The following CATSPER1 variants were observed in gnomAD, a reference collection of about 807,000 sequenced individuals.
CATSPER1 encodes the protein cation channel sperm associated 1.
CATSPER1 carries 57 observed loss-of-function variants against 72.7 expected under a neutral mutation model. The observed-to-expected ratio is 0.78, with a 90% CI of 0.63 to 0.98. The LOEUF is 0.98. Ranked by LOEUF, CATSPER1 falls within the 50% of genes least tolerant of loss-of-function variation. The pLI is 0.00. For missense variants in CATSPER1, 910 were observed against 1,033.9 expected, an observed-to-expected ratio of 0.88 and a Z score of 1.64; for synonymous variants, 363 against 403.0, an observed-to-expected ratio of 0.90 and a Z score of 1.19.
rs1375939221 is a variant in CATSPER1 at position 66,020,795 on chromosome 11, C to T, written c.1927+16G>A. On this transcript the variant is annotated intron_variant, in intron 6 of 11. Coordinates refer to ENST00000312106, the MANE Select transcript of CATSPER1 (RefSeq NM_053054.4). This position sits in a 1 kb window ranked among gnomAD's most constrained non-coding sequence, Gnocchi z 4.5. ...GCCAATCCCCGGCCCTCCCTGCAGC[C>T]TGGGGCCTGCCCTACCCTGGGCACG... The T allele has an allele frequency of 1.5e-5, 25 of 1,613,580 alleles. No homozygotes were observed. The highest frequency in any genetic ancestry group is 2.1e-5 in the Non-Finnish European group (25 of 1,180,016).
At position 66,021,756 on chromosome 11, in the gene CATSPER1, C is replaced by T; in HGVS notation, c.1543+10G>A. The T allele has an allele frequency of 2.5e-6, 4 of 1,613,562 alleles. No individual in the cohort carries two copies. The South Asian group carries it at 4.4e-5, about 18-fold the overall frequency. ...CTAAACACACGCAGCCTGGCCCCGG[C>T]CGCACCCACCCAAATTGTTCCAGAA... On this transcript the variant is annotated intron_variant, in intron 3 of 11. Transcript: ENST00000312106.
Position 66,017,096 on chromosome 11 carries a change from T to C in CATSPER1, c.2280A>G (p.Ala760=). Residue 760 remains alanine, a synonymous_variant, in exon 11 of 12, where the codon GCA becomes GCG. Transcript: ENST00000312106. ...EQEQQKFRSQ[A]AVIDEIVDTT... Reference sequence around the variant, plus strand: ...TGTCCACAATCTCATCGATGACGGCTGCCTGGGAGCGGAACTTCTGCTGCT... The same window carrying C: ...TGTCCACAATCTCATCGATGACGGCCGCCTGGGAGCGGAACTTCTGCTGCT... The C allele has an allele frequency of 6.4e-7, 1 of 1,570,522 alleles. No homozygotes were observed. The highest frequency in any genetic ancestry group is 8.7e-7 in the Non-Finnish European group (1 of 1,152,652).
chr11:66,019,910 C>T (rs1421173836), intron 9 of CATSPER1, among the ~76,000 whole-genome samples: 3 of 95,184 alleles, frequency 3.2e-5, no homozygotes, highest in African/African-American at 4.4e-5. Flanking sequence ...GAGCACAAGA[C>T]TCCATCTCAA....
chr11:66,020,418 A>T lies in CATSPER1; in HGVS notation c.1992-29T>A. 1.2e-6 allele frequency: 2 copies of T among 1,613,672 alleles called. No homozygotes were observed. Among genetic ancestry groups the T allele is most frequent in the South Asian group, 2.2e-5 (2 of 91,082 alleles). The stretch of plus-strand genomic sequence containing the variant: ...GGGAGAGGGACAGGGGTGTGCCCTC[A>T]GCGAGGAGGCCAGAGGAGAGGGGCA... On this transcript the variant is annotated intron_variant, in intron 7 of 11. Transcript: ENST00000312106. This position sits in a 1 kb window ranked among gnomAD's most constrained non-coding sequence, Gnocchi z 4.5.
chr11:66,026,210 G>A lies in CATSPER1; in HGVS notation c.170C>T (p.Ser57Phe). Residue 57 changes from serine to phenylalanine, a missense_variant, in exon 1 of 12, where the codon TCT becomes TTT. Physicochemically the swap from Ser to Phe is radical, Grantham distance 155. Coordinates refer to ENST00000312106, the MANE Select transcript of CATSPER1 (RefSeq NM_053054.4). ...GTCTTGGAACTCCGGAGGGTGGTGA[G>A]ATTCACCACGTTGGTGGGGCACGCC... ...HHGVPHQRGE[S>F]HHPPEFQDFH... The A allele has an allele frequency of 6.2e-7, 1 of 1,610,602 alleles. No homozygotes were observed. Among genetic ancestry groups the A allele is most frequent in the Non-Finnish European group, 8.5e-7 (1 of 1,176,980 alleles).
Position 66,025,263 on chromosome 11 carries a change from G to C in CATSPER1, c.1117C>G (p.Arg373Gly). Reference protein sequence around the residue: ...MTRSSSTIRSRVTQMSKKVHT... With the variant: ...MTRSSSTIRSGVTQMSKKVHT... The stretch of plus-strand genomic sequence containing the variant: ...ACTTTTTTGGACATCTGGGTGACAC[G>C]TGAGCGGATTGTGCTGGAGGACCGA... Residue 373 changes from arginine (R) to glycine (G), a missense_variant, in exon 1 of 12, where the codon CGT (arginine) becomes GGT (glycine). Physicochemically the swap from Arg to Gly is moderately radical, Grantham distance 125 (BLOSUM62 -2). Transcript: ENST00000312106. The C allele has an allele frequency of 1.2e-6, 2 of 1,614,178 alleles. No homozygotes were observed. Among genetic ancestry groups the C allele is most frequent in the South Asian group, 1.1e-5 (1 of 91,076 alleles).
chr11:66,026,333 G>A lies in CATSPER1; in HGVS notation c.47C>T (p.Thr16Ile), dbSNP rs17853124. Residue 16 changes from threonine to isoleucine, a missense_variant, in exon 1 of 12, where the codon ACC becomes ATC. Transcript: ENST00000312106. ...GCGAAAGAACCTATCTGCGTTATTG[G>A]TGTCTGCCTCATTCTGAGCCTTTTC... ...VPEKAQNEAD[T>I]NNADRFFRSH... is the part of the protein sequence containing the mutation. 1.9e-6 allele frequency: 3 copies of A among 1,614,164 alleles called. No individual in the cohort carries two copies. The highest frequency in any genetic ancestry group is 2.2e-5 in the East Asian group (1 of 44,886).
chr11:66,018,777 C>T, intron 10 of CATSPER1, 50 bp downstream of exon 10: 3 of 1,594,282 alleles, frequency 1.9e-6, no homozygotes, highest in Non-Finnish European at 1.7e-6. Flanking sequence ...AGCCAGGCCC[C>T]CAGGCCTCAC....
Position 66,020,444 on chromosome 11 carries a change from C to G in CATSPER1, c.1992-55G>C, listed in dbSNP as rs886507613. 3 of 1,609,312 alleles carry G rather than the reference C, an allele frequency of 1.9e-6. No homozygotes were observed. Among genetic ancestry groups the G allele is most frequent in the African/African-American group, 2.7e-5 (2 of 74,756 alleles). On this transcript the variant is annotated intron_variant, in intron 7 of 11. Transcript: ENST00000312106. The surrounding 1 kb of genome is among the most constrained non-coding windows in gnomAD (Gnocchi z 4.5). ...GCGAGGAGGCCAGAGGAGAGGGGCA[C>G]CCGGTACTTCTTGTGGGTTCAGCGT...
chr11:66,022,841 G>C lies in CATSPER1; in HGVS notation c.1429+8C>G. 1 of 1,614,088 alleles carries C rather than the reference G, an allele frequency of 6.2e-7. No homozygotes were observed. Among genetic ancestry groups the C allele is most frequent in the Non-Finnish European group, 8.5e-7 (1 of 1,179,956 alleles). On this transcript the variant is annotated splice_region_variant and intron_variant, in intron 2 of 11. Transcript: ENST00000312106. ...TTCTCCATGGGAACAGGACTCCCTG[G>C]CTCTTACCGCCCCGGATCTCGACTT...
In CATSPER1 at chr11:66,025,427, T is replaced by C. The variant is rs756918272; in HGVS notation, c.953A>G (p.Tyr318Cys). 1 of 1,613,214 alleles carries C rather than the reference T, an allele frequency of 6.2e-7. No homozygotes were observed. The highest frequency in any genetic ancestry group is 8.5e-7 in the Non-Finnish European group (1 of 1,179,928). Residue 318 changes from tyrosine to cysteine, a missense_variant, in exon 1 of 12, where the codon TAC becomes TGC. Transcript: ENST00000312106. Reference protein sequence around the residue: ...AYHSSYLHGDYVQSTSQLSIP... With the variant: ...AYHSSYLHGDCVQSTSQLSIP... ...AGAGAGTTGGGAAGTGCTCTGGACGTAGTCGCCATGGAGGTAACTGGAATG... is the reference window on the plus strand; with the variant it reads ...AGAGAGTTGGGAAGTGCTCTGGACGCAGTCGCCATGGAGGTAACTGGAATG...
chr11:66,024,271 GTTTTTTT>G lies in CATSPER1; in HGVS notation c.1216+886_1216+892del, dbSNP rs796751086. On this transcript the variant is annotated intron_variant, in intron 1 of 11. Transcript: ENST00000312106. Reference sequence around the variant, plus strand: ...GTGAGCCATCGCACCCAGCCTATTTGTTTTTTTTTTTTTTTTTTTTTTTTCCTACGGA... The same window carrying G: ...GTGAGCCATCGCACCCAGCCTATTTGTTTTTTTTTTTTTTTTTCCTACGGA... Among the ~76,000 whole-genome samples the G allele has an allele frequency of 2.7e-3, 301 of 110,594 alleles. 1 individual carries two copies. Among genetic ancestry groups the G allele is most frequent in the African/African-American group, 9.5e-3 (261 of 27,380 alleles). The allele number at this position is 110,594 out of a possible 152,430, so 72.6% of individuals were successfully genotyped here. A position where few individuals can be genotyped will look rare whatever the true frequency, so the allele number is the denominator to read the frequency against.
At chr11:66,023,537 G>A (rs1250388844) in intron 1 of CATSPER1, among the ~76,000 whole-genome samples, 1 of 151,942 alleles carries the variant, frequency 6.6e-6, no homozygotes, top group Non-Finnish European at 1.5e-5. Flanking sequence ...TCTCAGTTTT[G>A]TTGTCTTTAA....
Position 66,021,825 on chromosome 11 carries a change from G to C in CATSPER1, c.1484C>G (p.Ala495Gly). ...SIFFCIYVVE[A>G]LLKIIALGLS... ...GCCCAGGGCGATGATCTTGAGCAGG[G>C]CTTCCACCACGTAGATGCAGAAGAA... Residue 495 changes from alanine to glycine, a missense_variant, in exon 3 of 12, where the codon GCC becomes GGC. Transcript: ENST00000312106. The C allele has an allele frequency of 5.6e-6, 9 of 1,614,170 alleles. No individual in the cohort carries two copies. The highest frequency in any genetic ancestry group is 6.8e-6 in the Non-Finnish European group (8 of 1,180,032).
In CATSPER1 at chr11:66,026,438, C is replaced by T; in HGVS notation, c.-59G>A. 13 of 1,602,956 alleles carry T rather than the reference C, an allele frequency of 8.1e-6. No homozygotes were observed. The highest frequency in any genetic ancestry group is 1.1e-5 in the Non-Finnish European group (13 of 1,179,616). Reference sequence around the variant, plus strand: ...CAAGACCTGGGCCCAACAGGCCCCGCCTGGATTTCCCTTCTTTCCTGAGCC... The same window carrying T: ...CAAGACCTGGGCCCAACAGGCCCCGTCTGGATTTCCCTTCTTTCCTGAGCC... On this transcript the variant is annotated 5_prime_UTR_variant, in exon 1 of 12. Coordinates refer to ENST00000312106, the MANE Select transcript of CATSPER1 (RefSeq NM_053054.4).
chr11:66,022,754 A>T, intron 2 of CATSPER1, 95 bp downstream of exon 2: 1 of 1,162,874 alleles, frequency 8.6e-7, no homozygotes, highest in Non-Finnish European at 1.3e-6. Context: ...AAGTGAGCTG[A>T]GTCCTATAAA....
Position 66,020,328 on chromosome 11 carries a change from C to T in CATSPER1, c.2053G>A (p.Ala685Thr), listed in dbSNP as rs778364409. 1 of 1,614,196 alleles carries T rather than the reference C, an allele frequency of 6.2e-7. No individual in the cohort carries two copies. Among genetic ancestry groups the T allele is most frequent in the Admixed American group, 1.7e-5 (1 of 60,034 alleles). ...ACCCCACTCGGTACCTCCTGCTTCG[C>T]TTTCTCAAGGCCTTTGAACAGCGCC... ...QTALFKGLEK[A>T]KQERAARIQE... Residue 685 changes from alanine to threonine, a missense_variant, in exon 8 of 12, where the codon GCG becomes ACG. Coordinates refer to ENST00000312106, the MANE Select transcript of CATSPER1 (RefSeq NM_053054.4). This position sits in a 1 kb window ranked among gnomAD's most constrained non-coding sequence, Gnocchi z 4.5.
Position 66,020,011 on chromosome 11 carries a change from T to G in CATSPER1, c.2125+129A>C. On this transcript the variant is annotated intron_variant, in intron 9 of 11. Coordinates refer to ENST00000312106, the MANE Select transcript of CATSPER1 (RefSeq NM_053054.4). This position sits in a 1 kb window ranked among gnomAD's most constrained non-coding sequence, Gnocchi z 4.5. ...AGGGTCCTCTGGACTAAAGTCCTCC[T>G]GAGTCTCAAATTCTAAAACTCTAAA... 1 of 943,176 alleles carries G rather than the reference T, an allele frequency of 1.1e-6. No individual in the cohort carries two copies. The highest frequency in any genetic ancestry group is 1.6e-6 in the Non-Finnish European group (1 of 612,704). The allele number at this position is 943,176 out of a possible 1,614,324, so 58.4% of individuals were successfully genotyped here. A position where few individuals can be genotyped will look rare whatever the true frequency, so the allele number is the denominator to read the frequency against.
At position 66,017,193 on chromosome 11, in the gene CATSPER1, G is replaced by GGGGCCC; in HGVS notation, c.2202-20_2202-19insGGGCCC. Reference sequence around the variant, plus strand: ...CTGCTGCCTGCGGGTGGGCGGGGGGGTCGCAGAGACAGGGGCTGGGCTGAC... The same window carrying GGGGCCC: ...CTGCTGCCTGCGGGTGGGCGGGGGGGGGGCCCTCGCAGAGACAGGGGCTGGGCTGAC... On this transcript the variant is annotated intron_variant, in intron 10 of 11. Transcript: ENST00000312106. 2 of 493,798 alleles carry GGGGCCC rather than the reference G, an allele frequency of 4.1e-6. No individual in the cohort carries two copies. The highest frequency in any genetic ancestry group is 5.5e-5 in the East Asian group (1 of 18,090). The allele number at this position is 493,798 out of a possible 1,614,324, so 30.6% of individuals were successfully genotyped here.
Sources: allele counts gnomAD v4.1 joint callset (sites outside exome capture counted in the v4.1 genomes callset), GRCh38; gene constraint gnomAD v4.1.1; non-coding constraint Gnocchi (gnomAD v3.1); transcripts MANE v1.5; gene names NCBI Gene and HGNC (gene_info 2026-07-23, HGNC 2026-07-21).